Variants in DHX29 observed in about 807,000 individuals in gnomAD.
The protein encoded by DHX29 is DExH-box helicase 29.
In DHX29, 79 loss-of-function variants were observed where a neutral mutation model predicts 167.9. The ratio of observed to expected loss-of-function variants is 0.47; its 90% CI spans 0.39 to 0.57. The LOEUF (loss-of-function observed/expected upper bound fraction) is 0.57. Ranked by LOEUF, DHX29 falls within the 20% of genes least tolerant of loss-of-function variation. The probability of loss-of-function intolerance (pLI) is 0.00; values close to 1 mark genes in which losing one functional copy is unlikely to be tolerated. For synonymous variants in DHX29, 530 were observed against 546.0 expected (o/e 0.97, Z 0.41); for missense variants, 1,347 against 1,593.4 (o/e 0.85, Z 2.63).
chr5:55,283,838 T>C (rs760038435), intron 10 of DHX29, 27 bp from the exon 11 acceptor site: 4 of 1,529,250 alleles, frequency 2.6e-6, no homozygotes, highest in Non-Finnish European at 3.5e-6. Flanking sequence ...GGTATGTTAT[T>C]TTCACTAACT....
At chr5:55,299,218 A>G (rs563757022) in intron 1 of DHX29, among the ~76,000 whole-genome samples, 7 of 152,172 alleles carry the variant, frequency 4.6e-5, no homozygotes, top group Non-Finnish European at 1.0e-4. Flanking sequence ...AAATGCCTAC[A>G]TATCTTTTAG....
chr5:55,266,282 C>T (rs1215267199), intron 23 of DHX29, among the ~76,000 whole-genome samples: 1 of 151,480 alleles, frequency 6.6e-6, no homozygotes. Flanking sequence ...AGGCATGAGC[C>T]ACTGCGCCCA....
At chr5:55,297,479 C>A in intron 2 of DHX29, 81 bp from the exon 3 acceptor site, 2 of 674,014 alleles carry the variant, frequency 3.0e-6, no homozygotes, top group Non-Finnish European at 2.5e-6. Flanking sequence ...TTTCTATATT[C>A]CTGCCAACCA....
chr5:55,304,190 A>G (rs1748742857), intron 1 of DHX29, among the ~76,000 whole-genome samples: 1 of 151,574 alleles, frequency 6.6e-6, no homozygotes, highest in African/African-American at 2.4e-5. Context: ...AGGTCTTGCT[A>G]TTTCTAGAAC....
intron 8 of DHX29, among the ~76,000 whole-genome samples, 169 bp downstream of exon 8, chr5:55,289,101 C>T (rs920914353): frequency 1.3e-4 from 20 of 152,184 alleles, no homozygotes; most frequent in African/African-American, 4.6e-4. Context: ...AAATGCTGTA[C>T]ATGTGTAATC....
At chr5:55,279,331 A>G (rs192758279) in intron 12 of DHX29, among the ~76,000 whole-genome samples, 91 of 152,274 alleles carry the variant, frequency 6.0e-4, no homozygotes, top group African/African-American at 2.1e-3. Flanking sequence ...GGGGCAAGTT[A>G]TAAAAGATGA....
At chr5:55,298,757 G>A (rs113759674) in intron 1 of DHX29, 93 bp from the exon 2 acceptor site, 34 of 621,520 alleles carry the variant, frequency 5.5e-5, no homozygotes, top group African/African-American at 1.5e-4. Context: ...TAGGCCGGGC[G>A]CGGTGGCTCA....
chr5:55,267,570 A>G lies in DHX29; in HGVS notation c.3431+116T>C, dbSNP rs930625362. On this transcript the variant is annotated intron_variant, in intron 22 of 26. Transcript: ENST00000251636. Reference sequence around the variant, plus strand: ...TAATTATACCTTGACAGATGAAATAACTAAAAATAAATTTAAACCTCAGAA... The same window carrying G: ...TAATTATACCTTGACAGATGAAATAGCTAAAAATAAATTTAAACCTCAGAA... 26 of 919,822 alleles carry G rather than the reference A, an allele frequency of 2.8e-5. No individual in the cohort carries two copies. In the East Asian group the frequency reaches 6.8e-4, roughly 24 times the overall value. 57.0% of individuals were successfully genotyped at this position (919,822 alleles called of 1,614,324 possible). A position where few individuals can be genotyped will look rare whatever the true frequency, so the allele number is the denominator to read the frequency against.
chr5:55,307,251 A>T, intron 1 of DHX29, 136 bp downstream of exon 1: 1 of 738,392 alleles, frequency 1.4e-6, no homozygotes, highest in Non-Finnish European at 2.1e-6. Flanking sequence ...AGGCCACCCC[A>T]TGGGGAGGTA....
intron 2 of DHX29, among the ~76,000 whole-genome samples, chr5:55,298,011 A>G (rs1579817782): frequency 6.6e-6 from 1 of 152,250 alleles, no homozygotes; most frequent in South Asian, 2.1e-4. Context: ...GCACAAAAAT[A>G]TAATTCAGAA....
chr5:55,307,575 T>C lies in DHX29; in HGVS notation c.-2A>G. ...GTGTTTCTTGTTCTTGCCGCCCATG[T>C]TGCAGCTGTGGCAGAAGATCCTTCG... On this transcript the variant is annotated 5_prime_UTR_variant, in exon 1 of 27. Coordinates refer to ENST00000251636, the MANE Select transcript of DHX29 (RefSeq NM_019030.4). The C allele has an allele frequency of 6.2e-7, 1 of 1,613,376 alleles. No homozygotes were observed. Among genetic ancestry groups the C allele is most frequent in the Non-Finnish European group, 8.5e-7 (1 of 1,179,932 alleles).
At chr5:55,266,407 T>A (rs1561137942) in intron 23 of DHX29, among the ~76,000 whole-genome samples, 1 of 151,118 alleles carries the variant, frequency 6.6e-6, no homozygotes, top group Non-Finnish European at 1.5e-5. Context: ...TCTCCTCGGT[T>A]CAAGTGATTC....
Position 55,283,808 on chromosome 5 carries a change from C to T in DHX29, c.1360G>A (p.Val454Ile). 1 of 1,582,234 alleles carries T rather than the reference C, an allele frequency of 6.3e-7. No homozygotes were observed. The highest frequency in any genetic ancestry group is 8.6e-7 in the Non-Finnish European group (1 of 1,168,106). Residue 454 changes from valine (V) to isoleucine (I), a missense_variant, in exon 11 of 27, where the codon GTT becomes ATT. Coordinates refer to ENST00000251636, the MANE Select transcript of DHX29 (RefSeq NM_019030.4). ...ALYRLVKGQSVHQLLPPTYRD... is the reference protein window; with the variant it reads ...ALYRLVKGQSIHQLLPPTYRD... ...TAAGTGGGAGGAAGTAACTGATGAACTGACTAAAGGAAAAACAGAGGTATG... is the reference window on the plus strand; with the variant it reads ...TAAGTGGGAGGAAGTAACTGATGAATTGACTAAAGGAAAAACAGAGGTATG...
In DHX29 at chr5:55,293,867, T is replaced by C. The variant is rs1748170510; in HGVS notation, c.780+150A>G. ...TTTGAGCAGTTAACTTTCTGCTAAG[T>C]TTTTGCCTAAGTGTTATTTTATTTA... On this transcript the variant is annotated intron_variant, in intron 6 of 26. Transcript: ENST00000251636. 3 of 671,848 alleles carry C rather than the reference T, an allele frequency of 4.5e-6. No homozygotes were observed. The South Asian group carries it at 7.8e-5, about 17-fold the overall frequency. 41.6% of individuals were successfully genotyped at this position (671,848 alleles called of 1,614,324 possible). A position where few individuals can be genotyped will look rare whatever the true frequency, so the allele number is the denominator to read the frequency against.
At chr5:55,257,939 T>A (rs1746130488) in intron 26 of DHX29, among the ~76,000 whole-genome samples, 1 of 152,254 alleles carries the variant, frequency 6.6e-6, no homozygotes, top group Non-Finnish European at 1.5e-5. Flanking sequence ...CGTCTTAATA[T>A]GTTAAGACTT....
At chr5:55,305,385 A>T (rs1176014643) in intron 1 of DHX29, among the ~76,000 whole-genome samples, 2 of 152,254 alleles carry the variant, frequency 1.3e-5, no homozygotes, top group Admixed American at 1.3e-4. Flanking sequence ...TAAGAGCTCC[A>T]TTTGGAGAAA....
At chr5:55,285,466 T>C (rs1561157354) in intron 9 of DHX29, 50 bp from the exon 10 acceptor site, 2 of 1,522,752 alleles carry the variant, frequency 1.3e-6, no homozygotes, top group Non-Finnish European at 1.8e-6. Flanking sequence ...CAAAGTCAGA[T>C]AAAAAAAACT....
At chr5:55,264,802 G>A (rs994360553) in intron 23 of DHX29, among the ~76,000 whole-genome samples, 1 of 152,128 alleles carries the variant, frequency 6.6e-6, no homozygotes, top group Admixed American at 6.5e-5. Context: ...AAAACTGCTA[G>A]GTAGAAGGAA....
Position 55,296,245 on chromosome 5 carries a change from A to G in DHX29, c.480T>C (p.Asp160=). The stretch of plus-strand genomic sequence containing the variant: ...CATCTGAAAGGTTTAAACAGAGCCA[A>G]TCCAAGGCAGAATGAAGGTCACCTC... ...LYGGDLHSAL[D]WLCLNLSDDA... Residue 160 remains aspartate, a synonymous_variant, in exon 4 of 27, where the codon GAT becomes GAC. Transcript: ENST00000251636. 1 of 1,613,366 alleles carries G rather than the reference A, an allele frequency of 6.2e-7. No homozygotes were observed. Among genetic ancestry groups the G allele is most frequent in the Non-Finnish European group, 8.5e-7 (1 of 1,179,614 alleles).
Sources: allele counts gnomAD v4.1 joint callset (sites outside exome capture counted in the v4.1 genomes callset), GRCh38; gene constraint gnomAD v4.1.1; transcripts MANE v1.5; gene names NCBI Gene and HGNC (gene_info 2026-07-23, HGNC 2026-07-21).